The following GRM7 variants were observed in gnomAD, a reference collection of about 807,000 sequenced individuals.
GRM7 encodes the protein metabotropic glutamate receptor 7.
In GRM7, 35 loss-of-function variants were observed where a neutral mutation model predicts 84.5. That is an observed-to-expected ratio of 0.41 (90% CI 0.32 to 0.55). The LOEUF is 0.55. GRM7 is among the 20% of genes least tolerant of loss of function. The pLI, the probability that GRM7 is intolerant of heterozygous loss-of-function variation, is 0.19. For missense variants in GRM7, 1,003 were observed against 1,194.6 expected (o/e 0.84, Z 2.36); for synonymous variants, 487 against 455.1 (o/e 1.07, Z -0.89).
chr3:7,030,572 G>A (rs998489195), intron 1 of GRM7, among the ~76,000 whole-genome samples: 1 of 152,140 alleles, frequency 6.6e-6, no homozygotes. Flanking sequence ...CTGGCCTTCT[G>A]ATCCAAAAGC....
At chr3:7,726,613 CTATATATATATATATATATA>C (rs56250356) in intron 9 of GRM7, among the ~76,000 whole-genome samples, 2,321 of 58,146 alleles carry the variant, frequency 0.04, 114 homozygotes, top group Non-Finnish European at 0.046. Flanking sequence ...CTCTCTCCCT[CTATATATATATATATATATA>C]TATATATATA....
intron 8 of GRM7, among the ~76,000 whole-genome samples, chr3:7,593,523 C>G (rs911652441): frequency 1.6e-4 from 25 of 152,148 alleles, no homozygotes; most frequent in African/African-American, 5.8e-4. Context: ...GGAGATAGAT[C>G]TTACCTGGAC....
rs532233767 is a variant in GRM7 at position 6,955,623 on chromosome 3, T to C, written c.519+93716T>C. On this transcript the variant is annotated intron_variant, in intron 1 of 9. Transcript: ENST00000357716. ...ACTTTAGGAGGCTGAGATGGGCAGA[T>C]TGTGAGGTCAGGAGTTTGAGACCAG... 5.9e-5 allele frequency among the ~76,000 whole-genome samples: 9 copies of C among 151,946 alleles called. No individual in the cohort carries two copies. In the East Asian group the frequency reaches 1.7e-3, roughly 30 times the overall value.
chr3:6,876,599 ATT>A (rs34723690), intron 1 of GRM7, among the ~76,000 whole-genome samples: 7 of 124,120 alleles, frequency 5.6e-5, no homozygotes, highest in Admixed American at 1.8e-4. Flanking sequence ...TTTACCACTA[ATT>A]TTTTTTTTTT....
chr3:7,585,852 G>A lies in GRM7; in HGVS notation c.2451+6495G>A, dbSNP rs906793611. On this transcript the variant is annotated intron_variant, in intron 8 of 9. Transcript: ENST00000357716. ...AAAGCACAGGAAACCATAACAGAGC[G>A]TGGTGTGCTGATGGGCAGTCAGGGG... is the stretch of plus-strand genomic sequence containing the variant. Among the ~76,000 whole-genome samples, 14 of 152,302 alleles carry A rather than the reference G, an allele frequency of 9.2e-5. No individual in the cohort carries two copies. The South Asian group carries it at 1.7e-3, about 18-fold the overall frequency.
At chr3:7,158,173 A>G (rs1023261066) in intron 2 of GRM7, among the ~76,000 whole-genome samples, 2 of 152,158 alleles carry the variant, frequency 1.3e-5, no homozygotes, top group African/African-American at 2.4e-5. Context: ...AATGCAAAGG[A>G]TAGAATTGAA....
chr3:7,637,961 C>G (rs755786172), intron 8 of GRM7, among the ~76,000 whole-genome samples: 1 of 152,154 alleles, frequency 6.6e-6, no homozygotes, highest in Non-Finnish European at 1.5e-5. Flanking sequence ...ACAACAGGAA[C>G]GGCAGTGTCC....
chr3:6,894,709 C>T (rs190033596), intron 1 of GRM7, among the ~76,000 whole-genome samples: 1 of 152,066 alleles, frequency 6.6e-6, no homozygotes, highest in Non-Finnish European at 1.5e-5. Flanking sequence ...GGTAGGCTTC[C>T]AGCAGCTTTA....
intron 8 of GRM7, among the ~76,000 whole-genome samples, chr3:7,596,393 T>C (rs1696045139): frequency 6.6e-6 from 1 of 152,156 alleles, no homozygotes; most frequent in Non-Finnish European, 1.5e-5. Flanking sequence ...CTGGGAATTA[T>C]CAGACTGCAA....
chr3:7,011,454 A>T (rs1695365367), intron 1 of GRM7, among the ~76,000 whole-genome samples: 1 of 152,188 alleles, frequency 6.6e-6, no homozygotes, highest in South Asian at 2.1e-4. Context: ...ATTTTAAATG[A>T]GCATTTTATG....
At chr3:7,320,528 G>A (rs2125052340) in intron 4 of GRM7, among the ~76,000 whole-genome samples, 1 of 152,092 alleles carries the variant, frequency 6.6e-6, no homozygotes, top group South Asian at 2.1e-4. Context: ...CAGATATAGA[G>A]AGGATCCTTC....
chr3:7,179,791 T>G (rs959981639), intron 2 of GRM7, among the ~76,000 whole-genome samples: 14 of 152,304 alleles, frequency 9.2e-5, no homozygotes, highest in Admixed American at 7.8e-4. Flanking sequence ...GGGAGAGCAA[T>G]CTGGCCAGGA....
intron 4 of GRM7, among the ~76,000 whole-genome samples, chr3:7,336,754 C>A (rs1022822194): frequency 4.6e-5 from 7 of 151,432 alleles, no homozygotes; most frequent in Non-Finnish European, 1.0e-4. Context: ...CAAGAGCGAC[C>A]AAGCTGAGAA....
At chr3:7,072,308 T>C (rs1011174229) in intron 1 of GRM7, among the ~76,000 whole-genome samples, 2 of 152,190 alleles carry the variant, frequency 1.3e-5, no homozygotes, top group Non-Finnish European at 2.9e-5. Context: ...TAAATACTTT[T>C]GGTAAGTCAT....
At chr3:7,091,044 G>A (rs994313224) in intron 1 of GRM7, among the ~76,000 whole-genome samples, 2 of 151,936 alleles carry the variant, frequency 1.3e-5, no homozygotes, top group Non-Finnish European at 2.9e-5. Context: ...TGATTTATTT[G>A]TCCCAACAAA....
At chr3:7,135,843 T>C (rs1263553142) in intron 1 of GRM7, among the ~76,000 whole-genome samples, 5 of 152,148 alleles carry the variant, frequency 3.3e-5, no homozygotes, top group African/African-American at 7.2e-5. Context: ...TGTAAATATT[T>C]AGAAATTTAT....
chr3:7,121,420 T>C (rs915189953), intron 1 of GRM7, among the ~76,000 whole-genome samples: 3 of 152,184 alleles, frequency 2.0e-5, no homozygotes, highest in Non-Finnish European at 2.9e-5. Context: ...TATGGTACTT[T>C]ACATGCCACA....
At chr3:7,660,605 C>T (rs1699401880) in intron 8 of GRM7, among the ~76,000 whole-genome samples, 1 of 152,016 alleles carries the variant, frequency 6.6e-6, no homozygotes. Context: ...CAAATCAATA[C>T]CAATCAAAAT....
intron 5 of GRM7, among the ~76,000 whole-genome samples, chr3:7,419,165 T>G (rs1311517460): frequency 1.3e-5 from 2 of 152,102 alleles, no homozygotes; most frequent in East Asian, 1.9e-4. Flanking sequence ...TAGACAAGAA[T>G]TTTTACTGGG....
Sources: gnomAD v4.1 joint callset for allele counts (sites outside exome capture counted in the v4.1 genomes callset) on GRCh38, gnomAD v4.1.1 for gene constraint, MANE v1.5 for transcripts, NCBI Gene and HGNC (gene_info 2026-07-23, HGNC 2026-07-21) for gene names.